The following COL4A2 variants were observed in gnomAD, a reference collection of about 807,000 sequenced individuals.
The protein encoded by COL4A2 is collagen type IV alpha 2 chain, also known as collagen alpha-2(IV) chain.
In COL4A2, 99 loss-of-function variants were observed where a neutral mutation model predicts 200.2. The ratio of observed to expected loss-of-function variants is 0.49; its 90% confidence interval spans 0.42 to 0.58. The LOEUF (loss-of-function observed/expected upper bound fraction) is 0.58. Among genes scored for constraint, COL4A2 ranks in the 20% least tolerant of loss-of-function variants. The pLI, the probability that COL4A2 is intolerant of heterozygous loss-of-function variation, is 0.00. For missense variants in COL4A2, 1,950 were observed against 2,314.1 expected (o/e 0.84, Z 3.23); for synonymous variants, 897 against 900.6 (o/e 1.00, Z 0.07).
intron 38 of COL4A2, 72 bp downstream of exon 38, chr13:110,492,249 G>A: frequency 5.1e-6 from 7 of 1,363,196 alleles, no homozygotes; most frequent in Non-Finnish European, 7.1e-6. Flanking sequence ...CGCTGAGCAG[G>A]CCAGCCTCTC....
intron 4 of COL4A2, among the ~76,000 whole-genome samples, chr13:110,391,761 A>G (rs993841272): frequency 2.6e-5 from 4 of 152,174 alleles, no homozygotes; most frequent in Non-Finnish European, 5.9e-5. Flanking sequence ...TCACATGATC[A>G]TTGGTCCCCA....
rs1032020184 is a variant in COL4A2, at chr13:110,465,257, C to A, written c.1777-148C>A. The A allele has an allele frequency of 1.0e-5, 11 of 1,059,404 alleles. No homozygotes were observed. The African/African-American group carries it at 1.8e-4, about 17-fold the overall frequency. 65.6% of individuals were successfully genotyped at this position (1,059,404 alleles called of 1,614,324 possible). On this transcript the variant is annotated intron_variant, in intron 24 of 47. Transcript: ENST00000360467. ...CACTGGCTCCTGTGACCTGGCTGAC[C>A]ATGGCACTAGGTTCCTGTTCATCTC...
chr13:110,309,242 G>A (rs1054920580), intron 3 of COL4A2, among the ~76,000 whole-genome samples: 1 of 152,228 alleles, frequency 6.6e-6, no homozygotes, highest in Non-Finnish European at 1.5e-5. Context: ...CGCTGCTGTT[G>A]GTTCCGGTTC....
chr13:110,418,257 T>G (rs1454444536), intron 4 of COL4A2, among the ~76,000 whole-genome samples: 2 of 152,240 alleles, frequency 1.3e-5, no homozygotes, highest in African/African-American at 4.8e-5. Flanking sequence ...GAGTTCTTTA[T>G]ATGTTCCGGA....
At chr13:110,325,760 C>T (rs981897907) in intron 3 of COL4A2, among the ~76,000 whole-genome samples, 22 of 151,978 alleles carry the variant, frequency 1.4e-4, no homozygotes, top group African/African-American at 5.3e-4. Flanking sequence ...CACTTCCTGC[C>T]TTATGAATGT....
chr13:110,383,904 G>A (rs952225475), intron 4 of COL4A2, among the ~76,000 whole-genome samples: 1 of 152,164 alleles, frequency 6.6e-6, no homozygotes, highest in African/African-American at 2.4e-5. Flanking sequence ...GAGCCACTGC[G>A]CCTGGCTGTG....
intron 4 of COL4A2, among the ~76,000 whole-genome samples, chr13:110,403,029 G>A (rs1879432075): frequency 6.6e-6 from 1 of 152,134 alleles, no homozygotes; most frequent in Non-Finnish European, 1.5e-5. Context: ...AATTGTTCTG[G>A]CCCCAGGGTC....
intron 4 of COL4A2, among the ~76,000 whole-genome samples, chr13:110,393,685 C>T (rs191813394): frequency 1.2e-3 from 188 of 151,884 alleles, no homozygotes; most frequent in African/African-American, 4.4e-3. Context: ...TCGAGACCAA[C>T]CTGGCCAACA....
intron 4 of COL4A2, among the ~76,000 whole-genome samples, chr13:110,371,307 T>G (rs577154310): frequency 2.6e-4 from 40 of 152,314 alleles, no homozygotes; most frequent in African/African-American, 7.7e-4. Flanking sequence ...CTCAGGATCT[T>G]AAAGTGTACA....
intron 34 of COL4A2, among the ~76,000 whole-genome samples, 160 bp from the exon 35 acceptor site, chr13:110,489,285 T>G (rs916635478): frequency 6.6e-6 from 1 of 152,206 alleles, no homozygotes; most frequent in Admixed American, 6.5e-5. Flanking sequence ...GCAAACCGCC[T>G]ATGATACACA....
intron 4 of COL4A2, among the ~76,000 whole-genome samples, chr13:110,382,521 G>A (rs1056968813): frequency 6.6e-6 from 1 of 152,190 alleles, no homozygotes; most frequent in Non-Finnish European, 1.5e-5. Context: ...AAAACAGGAT[G>A]TATTTATGGT....
intron 4 of COL4A2, among the ~76,000 whole-genome samples, chr13:110,375,425 G>A (rs1878194479): frequency 1.3e-5 from 2 of 152,184 alleles, no homozygotes; most frequent in South Asian, 4.1e-4. Context: ...GACAGAAAAT[G>A]CCAGTCAGTT....
intron 4 of COL4A2, among the ~76,000 whole-genome samples, chr13:110,358,499 G>T (rs2139389585): frequency 6.6e-6 from 1 of 152,296 alleles, no homozygotes; most frequent in South Asian, 2.1e-4. Context: ...TATAGTAAAT[G>T]CAGAAAACAG....
intron 39 of COL4A2, 30 bp from the exon 40 acceptor site, chr13:110,495,312 A>G: frequency 6.2e-7 from 1 of 1,613,858 alleles, no homozygotes; most frequent in Non-Finnish European, 8.5e-7. Flanking sequence ...GGAAACACCG[A>G]CATCAGCTGC....
chr13:110,476,274 T>A (rs1594096450), intron 29 of COL4A2, among the ~76,000 whole-genome samples: 1 of 152,144 alleles, frequency 6.6e-6, no homozygotes, highest in African/African-American at 2.4e-5. Context: ...TCACAACCAT[T>A]AGCACCCACT....
At chr13:110,452,220 G>A (rs1335985740) in intron 20 of COL4A2, among the ~76,000 whole-genome samples, 7 of 152,224 alleles carry the variant, frequency 4.6e-5, no homozygotes, top group South Asian at 2.1e-4. Flanking sequence ...TGCACGCTCC[G>A]CCTCCCGGGT....
At chr13:110,398,019 A>G (rs1312300349) in intron 4 of COL4A2, among the ~76,000 whole-genome samples, 1 of 151,966 alleles carries the variant, frequency 6.6e-6, no homozygotes, top group African/African-American at 2.4e-5. Context: ...CGAAAGATCA[A>G]CTCTCCACAC....
intron 4 of COL4A2, among the ~76,000 whole-genome samples, chr13:110,406,743 C>T (rs893581052): frequency 1.3e-5 from 2 of 151,672 alleles, no homozygotes; most frequent in Non-Finnish European, 2.9e-5. Flanking sequence ...CATGTTTTTT[C>T]TCCGTCACCT....
At chr13:110,402,204 G>A (rs1406384419) in intron 4 of COL4A2, among the ~76,000 whole-genome samples, 1 of 152,184 alleles carries the variant, frequency 6.6e-6, no homozygotes, top group Admixed American at 6.5e-5. Context: ...TAAATCAAGT[G>A]AGAGTCCAGG....
Sources: gnomAD v4.1 joint callset for allele counts (sites outside exome capture counted in the v4.1 genomes callset) on GRCh38, gnomAD v4.1.1 for gene constraint, MANE v1.5 for transcripts, NCBI Gene and HGNC (gene_info 2026-07-23, HGNC 2026-07-21) for gene names.